Variants in SI observed in about 807,000 individuals in gnomAD.
SI encodes the protein sucrase-isomaltase, intestinal.
A neutral mutation model predicts 253.3 loss-of-function variants in SI; 235 were observed. That is an observed-to-expected ratio of 0.93 (90% confidence interval 0.83 to 1.03). The LOEUF is 1.03. SI is among the 50% of genes least tolerant of loss of function. SI has a pLI of 0.00. For synonymous variants in SI, 819 were observed against 712.0 expected (o/e 1.15, Z -2.39); for missense variants, 2,442 against 2,211.1 (o/e 1.10, Z -2.09).
chr3:164,996,430 T>C (rs1460151422), intron 40 of SI, 105 bp downstream of exon 40: 1 of 775,594 alleles, frequency 1.3e-6, no homozygotes, highest in East Asian at 2.5e-5. Context: ...CAAAATTATA[T>C]ATAACATCAA....
At chr3:165,045,808 A>G (rs1713073371) in intron 16 of SI, among the ~76,000 whole-genome samples, 1 of 137,138 alleles carries the variant, frequency 7.3e-6, no homozygotes, top group Non-Finnish European at 1.6e-5. Flanking sequence ...TATTCAGTTT[A>G]TCTTTTGACT....
At chr3:165,051,123 T>C (rs1713407900) in intron 13 of SI, among the ~76,000 whole-genome samples, 2 of 152,100 alleles carry the variant, frequency 1.3e-5, no homozygotes, top group African/African-American at 4.8e-5. Context: ...ACTTATTTAG[T>C]TTGCAAAAGC....
rs182719215 is a variant in SI, at chr3:165,074,896, T to A, written c.119-229A>T. On this transcript the variant is annotated intron_variant, in intron 2 of 47. Coordinates refer to ENST00000264382, the MANE Select transcript of SI (RefSeq NM_001041.4). ...AGTGTAGAATCCTATTGACTGTTTC[T>A]GAAGAAATACAAAATATATTTACAA... Among the ~76,000 whole-genome samples the A allele has an allele frequency of 7.7e-3, 1,164 of 152,106 alleles. 19 individuals are homozygous for A. The highest frequency in any genetic ancestry group is 9.3e-3 in the Non-Finnish European group (631 of 67,938).
At chr3:165,044,019 C>T (rs1488858612) in intron 16 of SI, among the ~76,000 whole-genome samples, 1 of 151,826 alleles carries the variant, frequency 6.6e-6, no homozygotes, top group Non-Finnish European at 1.5e-5. Context: ...CAACATAATG[C>T]CAGAAGTGGA....
chr3:164,998,671 G>C lies in SI; in HGVS notation c.4409C>G (p.Ala1470Gly). The C allele has an allele frequency of 6.2e-7, 1 of 1,609,592 alleles. No individual in the cohort carries two copies. Among genetic ancestry groups the C allele is most frequent in the Non-Finnish European group, 8.5e-7 (1 of 1,176,572 alleles). The change falls in exon 38 of 48, where the codon GCA becomes GGA. Residue 1470 changes from alanine to glycine, a missense_variant and splice_region_variant. Ala to Gly is a moderately conservative substitution (Grantham distance 60). Transcript: ENST00000264382. ...GWSQMKPTHD[A>G]LQKTTGKRGI... is the part of the protein sequence containing the mutation. Reference sequence around the variant, plus strand: ...TCTTTTTCCAGTTGTCTTCTGCAATGCACTAATATAGTAGAGAAGTATTTT... The same window carrying C: ...TCTTTTTCCAGTTGTCTTCTGCAATCCACTAATATAGTAGAGAAGTATTTT...
At chr3:165,007,002 C>A in intron 36 of SI, 48 bp from the exon 37 acceptor site, 1 of 1,302,602 alleles carries the variant, frequency 7.7e-7, no homozygotes, top group Non-Finnish European at 1.1e-6. Context: ...CAGTGCCCTA[C>A]AATGAAACGT....
At chr3:165,033,990 A>G (rs1184253721) in intron 22 of SI, among the ~76,000 whole-genome samples, 1 of 151,852 alleles carries the variant, frequency 6.6e-6, no homozygotes, top group East Asian at 1.9e-4. Flanking sequence ...TATATGTAAT[A>G]TAACTTTTAT....
At position 165,069,864 on chromosome 3, in the gene SI, T is replaced by C. The variant is rs575913152; in HGVS notation, c.256-669A>G. Among the ~76,000 whole-genome samples the C allele has an allele frequency of 6.6e-5, 10 of 151,712 alleles. No individual in the cohort carries two copies. The East Asian group carries it at 1.9e-3, about 29-fold the overall frequency. On this transcript the variant is annotated intron_variant, in intron 3 of 47. Transcript: ENST00000264382. Reference sequence around the variant, plus strand: ...TAGTGATGCTATGCATGAATAGCAGTATAATTATAAATCTATGTAAATTTA... The same window carrying C: ...TAGTGATGCTATGCATGAATAGCAGCATAATTATAAATCTATGTAAATTTA...
At chr3:165,065,199 C>A in intron 7 of SI, 62 bp downstream of exon 7, 1 of 1,077,734 alleles carries the variant, frequency 9.3e-7, no homozygotes, top group African/African-American at 1.6e-5. Context: ...TTCAAATATG[C>A]TAAGATTTTC....
chr3:165,073,801 G>C (rs1031603734), intron 3 of SI, among the ~76,000 whole-genome samples: 3 of 152,060 alleles, frequency 2.0e-5, no homozygotes, highest in African/African-American at 7.2e-5. Context: ...CATGGTATTA[G>C]AGTTATAAAT....
chr3:165,040,824 TAAA>T lies in SI; in HGVS notation c.2159+113_2159+115del, dbSNP rs1404347103. ...GCTCTTCAAATCATTTACACCAATG[TAAA>T]AACAAGCAGCAGAAGTTTAATTGAT... On this transcript the variant is annotated intron_variant, in intron 18 of 47. Coordinates refer to ENST00000264382, the MANE Select transcript of SI (RefSeq NM_001041.4). The T allele has an allele frequency of 3.7e-6, 3 of 802,820 alleles. No individual in the cohort carries two copies. The African/African-American group carries it at 5.2e-5, about 14-fold the overall frequency. 49.7% of individuals were successfully genotyped at this position (802,820 alleles called of 1,614,324 possible).
chr3:165,065,298 G>T lies in SI; in HGVS notation c.770C>A (p.Thr257Lys), dbSNP rs1407054313. ...TTGGTCTCGAGTAAAAATTGGCCATGTTTTCCAGGATAAATCATGACGAAA... is the reference window on the plus strand; with the variant it reads ...TTGGTCTCGAGTAAAAATTGGCCATTTTTTCCAGGATAAATCATGACGAAA... ...KRFRHDLSWK[T>K]WPIFTRDQLP... Residue 257 changes from threonine (T) to lysine (K), a missense_variant, in exon 7 of 48, where the codon ACA (threonine) becomes AAA (lysine). Transcript: ENST00000264382. The T allele has an allele frequency of 2.5e-6, 4 of 1,608,370 alleles. No individual in the cohort carries two copies. In the Admixed American group the frequency reaches 6.7e-5, roughly 27 times the overall value.
rs1324450204 is a variant in SI at position 165,017,750 on chromosome 3, T to C, written c.3633+11A>G. ...ATTTTTAATTTTTTTAAAAGAAATA[T>C]GCAATCATACTTCATGGTATTGCTT... On this transcript the variant is annotated intron_variant, in intron 30 of 47. Coordinates refer to ENST00000264382, the MANE Select transcript of SI (RefSeq NM_001041.4). The C allele has an allele frequency of 1.2e-6, 2 of 1,604,930 alleles. No individual in the cohort carries two copies. Among genetic ancestry groups the C allele is most frequent in the Non-Finnish European group, 1.7e-6 (2 of 1,173,214 alleles).
At chr3:165,024,468 T>C (rs1711796269) in intron 25 of SI, among the ~76,000 whole-genome samples, 1 of 151,246 alleles carries the variant, frequency 6.6e-6, no homozygotes, top group East Asian at 1.9e-4. Context: ...CCAATTTCCT[T>C]TTAAAGAAGT....
chr3:165,069,109 A>G lies in SI; in HGVS notation c.342T>C (p.Tyr114=), dbSNP rs537307798. Residue 114 remains tyrosine, a synonymous_variant, in exon 4 of 48, where the codon TAT becomes TAC. Coordinates refer to ENST00000264382, the MANE Select transcript of SI (RefSeq NM_001041.4). Reference sequence around the variant, plus strand: ...TTGTTGTTGTCATGTCTTGAACGTTATAACCATGATTATCAACGAAGAAGC... The same window carrying G: ...TTGTTGTTGTCATGTCTTGAACGTTGTAACCATGATTATCAACGAAGAAGC... The part of the protein sequence containing the change: ...PWCFFVDNHG[Y]NVQDMTTTSI... 9 of 1,612,058 alleles carry G rather than the reference A, an allele frequency of 5.6e-6. No homozygotes were observed. The South Asian group carries it at 9.9e-5, about 18-fold the overall frequency.
At chr3:165,045,171 G>A (rs1362322186) in intron 16 of SI, among the ~76,000 whole-genome samples, 1 of 151,906 alleles carries the variant, frequency 6.6e-6, no homozygotes, top group Non-Finnish European at 1.5e-5. Flanking sequence ...AAAATGTATT[G>A]TTTTCCATAT....
At position 164,982,980 on chromosome 3, in the gene SI, G is replaced by A. The variant is rs770699440; in HGVS notation, c.5247+22C>T. 9.7e-6 allele frequency: 15 copies of A among 1,549,334 alleles called. No individual in the cohort carries two copies. The Admixed American group carries it at 1.0e-4, about 11-fold the overall frequency. On this transcript the variant is annotated intron_variant, in intron 46 of 47. Coordinates refer to ENST00000264382, the MANE Select transcript of SI (RefSeq NM_001041.4). ...ACTTCAAATATTCCTTAACAGAATTGCATATAAATAATCTTACATACCTGG... is the reference window on the plus strand; with the variant it reads ...ACTTCAAATATTCCTTAACAGAATTACATATAAATAATCTTACATACCTGG...
chr3:164,979,900 A>T (rs1172187490), intron 47 of SI, among the ~76,000 whole-genome samples: 1 of 151,864 alleles, frequency 6.6e-6, no homozygotes, highest in Non-Finnish European at 1.5e-5. Context: ...TCAATTTTGC[A>T]TGTGTTACTT....
intron 20 of SI, 143 bp from the exon 21 acceptor site, chr3:165,038,167 A>T (rs890250825): frequency 9.0e-6 from 6 of 669,810 alleles, no homozygotes; most frequent in Admixed American, 3.3e-5. Context: ...CTTTAGGAGA[A>T]TTTTTTTTTT....
Sources: gnomAD v4.1 joint callset for allele counts (sites outside exome capture counted in the v4.1 genomes callset) on GRCh38, gnomAD v4.1.1 for gene constraint, MANE v1.5 for transcripts, NCBI Gene and HGNC (gene_info 2026-07-23, HGNC 2026-07-21) for gene names.